The following ZFHX3 variants were observed in gnomAD, a reference collection of about 807,000 sequenced individuals.
The protein encoded by ZFHX3 is zinc finger homeobox protein 3.
Under a neutral mutation model 279.1 loss-of-function variants are expected in ZFHX3, and 42 were observed. That is an observed-to-expected ratio of 0.15 (90% confidence interval 0.12 to 0.19). The LOEUF (loss-of-function observed/expected upper bound fraction) is 0.19, where lower values mean the gene tolerates loss of function less well. ZFHX3 is among the 10% of genes least tolerant of loss of function. ZFHX3 has a pLI of 1.00. For synonymous variants in ZFHX3, 2,293 were observed against 1,957.8 expected, an observed-to-expected ratio of 1.17 and a Z score of -4.52; for missense variants, 4,981 against 4,754.0, an observed-to-expected ratio of 1.05 and a Z score of -1.40.
intron 2 of ZFHX3, among the ~76,000 whole-genome samples, chr16:73,502,727 G>A (rs2019260740): frequency 6.6e-6 from 1 of 152,216 alleles, no homozygotes; most frequent in Admixed American, 6.5e-5. Context: ...AGAGTGAGAA[G>A]ATGACCTGGT....
intron 7 of ZFHX3, among the ~76,000 whole-genome samples, chr16:73,129,379 G>GACACACACACACACAC (rs59666622): frequency 0.011 from 1,480 of 137,898 alleles, 13 homozygotes; most frequent in East Asian, 0.033. Context: ...CAGAGACTCT[G>GACACACACACACACAC]ACACACACAC....
chr16:73,338,814 A>G (rs2015968985), intron 3 of ZFHX3, among the ~76,000 whole-genome samples: 2 of 152,112 alleles, frequency 1.3e-5, no homozygotes, highest in Non-Finnish European at 2.9e-5. Flanking sequence ...GAGATGAGTG[A>G]CTCATGGGGC....
intron 1 of ZFHX3, among the ~76,000 whole-genome samples, chr16:73,810,606 C>T (rs1350064614): frequency 6.6e-6 from 1 of 152,010 alleles, no homozygotes; most frequent in Non-Finnish European, 1.5e-5. Context: ...CTTAATGCAA[C>T]CCTATAAATT....
chr16:73,086,042 C>G (rs1966008945), intron 8 of ZFHX3, among the ~76,000 whole-genome samples: 1 of 132,244 alleles, frequency 7.6e-6, no homozygotes, highest in African/African-American at 2.8e-5. Flanking sequence ...TCTAGACAGA[C>G]AGACATTTCT....
intron 1 of ZFHX3, among the ~76,000 whole-genome samples, chr16:73,727,240 C>G (rs1191183456): frequency 6.6e-6 from 1 of 152,186 alleles, no homozygotes; most frequent in African/African-American, 2.4e-5. Flanking sequence ...ACAACTGGGG[C>G]CCCCCACCCA....
At chr16:73,689,409 C>T (rs1441709900) in intron 1 of ZFHX3, among the ~76,000 whole-genome samples, 8 of 152,132 alleles carry the variant, frequency 5.3e-5, no homozygotes, top group African/African-American at 1.2e-4. Context: ...GCTATGTGCA[C>T]AAAGTAAAGA....
At chr16:73,773,877 C>G (rs907803059) in intron 1 of ZFHX3, among the ~76,000 whole-genome samples, 2 of 152,126 alleles carry the variant, frequency 1.3e-5, no homozygotes, top group African/African-American at 2.4e-5. Flanking sequence ...GTGGCTCATG[C>G]CTGTAAACCC....
rs1340065062 is a variant in ZFHX3 at position 72,793,313 on chromosome 16, A to G, written c.9369T>C (p.Pro3123=). ...TAYPALQGIP[P]VLLPGLNSPS... Reference sequence around the variant, plus strand: ...GGCTGTTGAGGCCCGGGAGCAACACAGGAGGAATGCCCTGGAGCGCTGGAT... The same window carrying G: ...GGCTGTTGAGGCCCGGGAGCAACACGGGAGGAATGCCCTGGAGCGCTGGAT... The change falls in exon 9 of 10, where the codon CCT becomes CCC. Residue 3123 remains proline, a synonymous_variant. Transcript: ENST00000268489. The surrounding 1 kb of genome is among the most constrained non-coding windows in gnomAD (Gnocchi z 4.3). 6.2e-7 allele frequency: 1 copy of G among 1,614,168 alleles called. No homozygotes were observed. Among genetic ancestry groups the G allele is most frequent in the Non-Finnish European group, 8.5e-7 (1 of 1,180,006 alleles).
chr16:72,936,981 G>A (rs1960158523), intron 3 of ZFHX3, among the ~76,000 whole-genome samples: 1 of 152,152 alleles, frequency 6.6e-6, no homozygotes, highest in South Asian at 2.1e-4. Context: ...TTGGCTGTAG[G>A]GGAGCAAAAG....
At chr16:72,867,401 A>G (rs2038048754) in intron 4 of ZFHX3, among the ~76,000 whole-genome samples, 1 of 152,210 alleles carries the variant, frequency 6.6e-6, no homozygotes, top group Non-Finnish European at 1.5e-5. Context: ...GAAGATGAGA[A>G]CGATTTTATA....
At chr16:73,283,167 T>C (rs190855715) in intron 4 of ZFHX3, among the ~76,000 whole-genome samples, 1 of 152,358 alleles carries the variant, frequency 6.6e-6, no homozygotes, top group East Asian at 1.9e-4. Context: ...CTAATGAGCG[T>C]TGCTGTGTTC....
At chr16:73,169,910 T>C (rs1222411194) in intron 5 of ZFHX3, among the ~76,000 whole-genome samples, 2 of 152,200 alleles carry the variant, frequency 1.3e-5, no homozygotes, top group Non-Finnish European at 2.9e-5. Context: ...TTGTAGGTTC[T>C]CTCCTACTCT....
At chr16:73,024,394 C>T (rs1436022729) in intron 1 of ZFHX3, among the ~76,000 whole-genome samples, 9 of 152,134 alleles carry the variant, frequency 5.9e-5, no homozygotes, top group Non-Finnish European at 1.2e-4. Context: ...TCTCCACTCC[C>T]CTTCCTTCCC....
intron 1 of ZFHX3, among the ~76,000 whole-genome samples, chr16:73,012,809 C>T (rs1177502061): frequency 6.6e-6 from 1 of 152,160 alleles, no homozygotes; most frequent in Non-Finnish European, 1.5e-5. Context: ...GAACCTAACA[C>T]GTTCTTCCAT....
intron 1 of ZFHX3, among the ~76,000 whole-genome samples, chr16:72,973,073 C>T (rs1249461636): frequency 2.0e-5 from 3 of 152,172 alleles, no homozygotes; most frequent in African/African-American, 7.2e-5. Context: ...CAAAAATGTC[C>T]ATTCCTGACT....
upstream of ZFHX3, among the ~76,000 whole-genome samples, chr16:73,064,416 C>T (rs1038234958): frequency 2.6e-5 from 4 of 152,106 alleles, no homozygotes; most frequent in African/African-American, 9.7e-5. Context: ...GCCCCTAACC[C>T]TGCCAGAGCC....
At chr16:73,408,408 A>G (rs982799944) in intron 3 of ZFHX3, among the ~76,000 whole-genome samples, 15 of 152,168 alleles carry the variant, frequency 9.9e-5, no homozygotes, top group African/African-American at 3.6e-4. Context: ...TTGGATGCCA[A>G]TAACTGTAAC....
chr16:73,471,359 T>C (rs952289374), intron 2 of ZFHX3, among the ~76,000 whole-genome samples: 21 of 152,190 alleles, frequency 1.4e-4, no homozygotes, highest in East Asian at 1.2e-3. Flanking sequence ...ATGCCCTACA[T>C]TGGTTACATG....
intron 8 of ZFHX3, among the ~76,000 whole-genome samples, chr16:73,066,643 C>A (rs1225638583): frequency 6.6e-6 from 1 of 152,168 alleles, no homozygotes; most frequent in Non-Finnish European, 1.5e-5. Context: ...TATGCCCCTG[C>A]GGATGCCCAG....
Sources: allele counts gnomAD v4.1 joint callset (sites outside exome capture counted in the v4.1 genomes callset), GRCh38; gene constraint gnomAD v4.1.1; non-coding constraint Gnocchi (gnomAD v3.1); transcripts MANE v1.5; gene names NCBI Gene and HGNC (gene_info 2026-07-23, HGNC 2026-07-21).